GRK5: variants seen among roughly 807,000 people sequenced by gnomAD.
GRK5 encodes g protein-coupled receptor kinase GRK5.
Under a neutral mutation model 78.4 loss-of-function variants are expected in GRK5, and 40 were observed. That is an observed-to-expected ratio of 0.51 (90% CI 0.40 to 0.66). The LOEUF (loss-of-function observed/expected upper bound fraction) is 0.66, where lower values mean the gene tolerates loss of function less well. GRK5 is among the 30% of genes least tolerant of loss of function. GRK5 has a pLI of 0.00. For missense variants in GRK5, 598 were observed against 759.9 expected, an observed-to-expected ratio of 0.79 and a Z score of 2.50; for synonymous variants, 289 against 296.8, an observed-to-expected ratio of 0.97 and a Z score of 0.27.
At chr10:119,275,373 C>T (rs955144837) in intron 1 of GRK5, among the ~76,000 whole-genome samples, 2 of 152,176 alleles carry the variant, frequency 1.3e-5, no homozygotes, top group African/African-American at 2.4e-5. Context: ...GCTTGGATAC[C>T]GGGCCTCCAG....
At chr10:119,358,334 A>T (rs549268429) in intron 2 of GRK5, among the ~76,000 whole-genome samples, 1 of 152,274 alleles carries the variant, frequency 6.6e-6, no homozygotes, top group African/African-American at 2.4e-5. Flanking sequence ...CCCGGGGTGT[A>T]GCAAATGCTC....
chr10:119,436,151 A>G (rs1489345659), intron 8 of GRK5, among the ~76,000 whole-genome samples: 1 of 152,244 alleles, frequency 6.6e-6, no homozygotes, highest in Non-Finnish European at 1.5e-5. Flanking sequence ...GAGCCAAACC[A>G]TATCAACTAG....
At chr10:119,284,367 G>A (rs1257373095) in intron 1 of GRK5, among the ~76,000 whole-genome samples, 1 of 151,926 alleles carries the variant, frequency 6.6e-6, no homozygotes, top group African/African-American at 2.4e-5. Flanking sequence ...GCCTGGGCTG[G>A]TCTCAAACAG....
At chr10:119,223,564 C>T (rs985000242) in intron 1 of GRK5, among the ~76,000 whole-genome samples, 3 of 151,972 alleles carry the variant, frequency 2.0e-5, no homozygotes, top group Non-Finnish European at 2.9e-5. Flanking sequence ...CTACTCTGAC[C>T]GGGTCCCCAA....
chr10:119,349,009 T>C (rs1183732496), intron 2 of GRK5, among the ~76,000 whole-genome samples: 1 of 152,156 alleles, frequency 6.6e-6, no homozygotes, highest in Non-Finnish European at 1.5e-5. Flanking sequence ...AAATGAGAGT[T>C]AGGCAATCTT....
At chr10:119,365,085 G>T (rs1303500211) in intron 2 of GRK5, among the ~76,000 whole-genome samples, 1 of 152,156 alleles carries the variant, frequency 6.6e-6, no homozygotes, top group African/African-American at 2.4e-5. Context: ...GAGCAGCAGC[G>T]CCCCAGGCTG....
At chr10:119,250,212 A>G (rs1263292867) in intron 1 of GRK5, among the ~76,000 whole-genome samples, 1 of 151,992 alleles carries the variant, frequency 6.6e-6, no homozygotes, top group Non-Finnish European at 1.5e-5. Flanking sequence ...GTAAATTTTC[A>G]TTTTACAGAT....
intron 12 of GRK5, 64 bp from the exon 13 acceptor site, chr10:119,448,059 G>A: frequency 2.0e-6 from 3 of 1,474,806 alleles, no homozygotes; most frequent in Non-Finnish European, 2.7e-6. Flanking sequence ...ACACTGTGGA[G>A]GCAGGAGGTC....
intron 15 of GRK5, among the ~76,000 whole-genome samples, 181 bp from the exon 16 acceptor site, chr10:119,454,788 A>C (rs1379470927): frequency 6.6e-6 from 1 of 152,132 alleles, no homozygotes; most frequent in Non-Finnish European, 1.5e-5. Flanking sequence ...TGTTAATTCC[A>C]TAGCTCTTCC....
intron 2 of GRK5, among the ~76,000 whole-genome samples, chr10:119,353,928 C>G (rs377254603): frequency 1.4e-5 from 1 of 72,478 alleles, no homozygotes; most frequent in Non-Finnish European, 3.1e-5. Context: ...TCCATTTTTT[C>G]TTTCTTTTTT....
At chr10:119,211,668 A>G (rs1450081732) in intron 1 of GRK5, 2 of 152,232 alleles carry the variant, frequency 1.3e-5, no homozygotes, top group Non-Finnish European at 2.9e-5. Context: ...CAACTTTGTC[A>G]TTTGTCACAA....
At chr10:119,215,451 G>A (rs74157637) in intron 1 of GRK5, among the ~76,000 whole-genome samples, 9,267 of 150,492 alleles carry the variant, frequency 0.062, 589 homozygotes, top group African/African-American at 0.15. Flanking sequence ...AGGGGGAGAA[G>A]GAGAGATGAG....
intron 2 of GRK5, among the ~76,000 whole-genome samples, chr10:119,369,569 T>C (rs920867129): frequency 1.3e-5 from 2 of 152,244 alleles, no homozygotes; most frequent in African/African-American, 2.4e-5. Context: ...TTAGGAGAGC[T>C]GTTTTCCCCT....
intron 4 of GRK5, 64 bp downstream of exon 4, chr10:119,396,836 C>T: frequency 7.8e-7 from 1 of 1,276,446 alleles, no homozygotes; most frequent in Non-Finnish European, 1.1e-6. Flanking sequence ...ATAGGAGCCC[C>T]TAAGTCTGTG....
intron 4 of GRK5, among the ~76,000 whole-genome samples, chr10:119,401,007 G>C (rs922256760): frequency 8.5e-5 from 13 of 152,220 alleles, no homozygotes; most frequent in Non-Finnish European, 1.6e-4. Context: ...GATGGAGACA[G>C]TGGCATCTGC....
In GRK5 at chr10:119,380,910, C is replaced by T; in HGVS notation, c.244C>T (p.Gln82Ter). The T allele has an allele frequency of 1.2e-6, 2 of 1,611,048 alleles. No homozygotes were observed. The highest frequency in any genetic ancestry group is 1.7e-6 in the Non-Finnish European group (2 of 1,177,182). Residue 82 changes from glutamine (Q) to a stop codon, truncating the protein, a stop_gained, in exon 3 of 16, where the codon CAG becomes TAG. Transcript: ENST00000392870. LOFTEE classifies it high-confidence loss of function. The stretch of plus-strand genomic sequence containing the variant: ...CAGGCCTGGGCTGGAGTGTTACATT[C>T]AGTTCCTGGACTCCGTGGTAAGTTC... ...ETRPGLECYI[Q>*]FLDSVAEYEV...
intron 2 of GRK5, among the ~76,000 whole-genome samples, chr10:119,368,481 T>C (rs781623302): frequency 1.1e-4 from 16 of 152,122 alleles, no homozygotes; most frequent in Non-Finnish European, 2.1e-4. Flanking sequence ...CTGTGATGTC[T>C]CCATTCCCAC....
At chr10:119,235,028 G>T (rs1848900251) in intron 1 of GRK5, among the ~76,000 whole-genome samples, 1 of 152,068 alleles carries the variant, frequency 6.6e-6, no homozygotes, top group Non-Finnish European at 1.5e-5. Context: ...AGGCTGGAGT[G>T]CAGTGACACC....
intron 1 of GRK5, among the ~76,000 whole-genome samples, chr10:119,305,452 G>A (rs1850258632): frequency 6.6e-6 from 1 of 152,190 alleles, no homozygotes; most frequent in Non-Finnish European, 1.5e-5. Context: ...AAATGGACGT[G>A]GTCTCTGTCC....
Sources: gnomAD v4.1 joint callset for allele counts (sites outside exome capture counted in the v4.1 genomes callset) on GRCh38, gnomAD v4.1.1 for gene constraint, MANE v1.5 for transcripts, NCBI Gene and HGNC (gene_info 2026-07-23, HGNC 2026-07-21) for gene names.